The following LCOR variants were observed in gnomAD, a reference collection of about 807,000 sequenced individuals.
The protein encoded by LCOR is ligand-dependent corepressor.
LCOR carries 14 observed loss-of-function variants against 64.4 expected under a neutral mutation model. The ratio of observed to expected loss-of-function variants is 0.22; its 90% CI spans 0.14 to 0.34. LCOR has a LOEUF of 0.34. Ranked by LOEUF, LCOR falls within the 10% of genes least tolerant of loss-of-function variation. The pLI is 1.00. For missense variants in LCOR, 1,686 were observed against 1,765.3 expected (o/e 0.96, Z 0.80); for synonymous variants, 643 against 642.5 (o/e 1.00, Z -0.01).
intron 2 of LCOR, among the ~76,000 whole-genome samples, chr10:96,891,530 CTTTTTTTTTTTTTTTTT>C (rs71007307): frequency 1.0e-3 from 8 of 7,642 alleles, no homozygotes; most frequent in East Asian, 6.7e-3. Flanking sequence ...TGTCTTGACT[CTTTTTTTTTTTTTTTTT>C]TTTTTTTTTT....
chr10:96,848,423 C>T (rs752330853), intron 2 of LCOR, among the ~76,000 whole-genome samples: 4 of 152,236 alleles, frequency 2.6e-5, no homozygotes, highest in East Asian at 1.9e-4. Flanking sequence ...TTTGGGAGGC[C>T]GAGGCAGGTG....
chr10:96,906,411 G>C (rs186061554), intron 2 of LCOR, among the ~76,000 whole-genome samples: 1 of 152,216 alleles, frequency 6.6e-6, no homozygotes, highest in Non-Finnish European at 1.5e-5. Flanking sequence ...GCTTTAATCT[G>C]TTATTTCTGG....
At chr10:96,917,356 G>A (rs547508248) in intron 4 of LCOR, among the ~76,000 whole-genome samples, 1 of 152,322 alleles carries the variant, frequency 6.6e-6, no homozygotes, top group South Asian at 2.1e-4. Context: ...AGTGGCAAAA[G>A]CAATTAGACT....
rs554051673 is a variant in LCOR, at chr10:96,909,076, A to G, written c.-184+1329A>G. Among the ~76,000 whole-genome samples, 9 of 152,172 alleles carry G rather than the reference A, an allele frequency of 5.9e-5. No individual in the cohort carries two copies. In the South Asian group the frequency reaches 1.9e-3, roughly 32 times the overall value. ...ACCAGATTTTATCAGTTTTTCCCTC[A>G]CAACGAATTTCATTTTTTTTCATTT... On this transcript the variant is annotated intron_variant, in intron 4 of 7. Coordinates refer to ENST00000421806, the MANE Select transcript of LCOR (RefSeq NM_001346516.2).
chr10:96,845,993 G>A (rs1448616349), intron 2 of LCOR, among the ~76,000 whole-genome samples: 1 of 151,976 alleles, frequency 6.6e-6, no homozygotes, highest in Non-Finnish European at 1.5e-5. Flanking sequence ...GATTATTTGA[G>A]GTCAGGAGTT....
chr10:96,956,740 T>A, intron 7 of LCOR: 1 of 985,530 alleles, frequency 1.0e-6, no homozygotes, highest in Non-Finnish European at 1.2e-6. Context: ...ACGAGCTCCG[T>A]ATTTACTCAG....
At chr10:96,930,483 AG>A (rs1847238692) in intron 4 of LCOR, among the ~76,000 whole-genome samples, 1 of 152,242 alleles carries the variant, frequency 6.6e-6, no homozygotes, top group African/African-American at 2.4e-5. Context: ...TTGCCACGTC[AG>A]TAGTGGTATT....
chr10:96,901,121 G>A (rs372273480), intron 2 of LCOR, among the ~76,000 whole-genome samples: 5 of 151,856 alleles, frequency 3.3e-5, no homozygotes, highest in Admixed American at 6.6e-5. Flanking sequence ...CCCGGGAGGC[G>A]GAGCTTGCAG....
chr10:96,981,604 G>A lies in LCOR; in HGVS notation c.1144G>A (p.Glu382Lys). ...CPKTPLRQDL[E>K]ANEQDARPKQ... ...AAAAACACCTTTGCGCCAGGATTTAGAGGCAAATGAACAAGATGCAAGGCC... is the reference window on the plus strand; with the variant it reads ...AAAAACACCTTTGCGCCAGGATTTAAAGGCAAATGAACAAGATGCAAGGCC... The change falls in exon 8 of 8, where the codon GAG (glutamate) becomes AAG (lysine). Residue 382 changes from glutamate to lysine, a missense_variant. Coordinates refer to ENST00000421806, the MANE Select transcript of LCOR (RefSeq NM_001346516.2). 1 of 1,614,230 alleles carries A rather than the reference G, an allele frequency of 6.2e-7. No homozygotes were observed. Among genetic ancestry groups the A allele is most frequent in the Non-Finnish European group, 8.5e-7 (1 of 1,180,052 alleles).
chr10:96,947,504 C>G (rs115083534), intron 5 of LCOR, among the ~76,000 whole-genome samples: 1 of 152,022 alleles, frequency 6.6e-6, no homozygotes, highest in African/African-American at 2.4e-5. Flanking sequence ...TCTTAAGTTC[C>G]TTACAGCCCC....
At chr10:96,853,199 G>A (rs886573812) in intron 2 of LCOR, among the ~76,000 whole-genome samples, 1 of 152,000 alleles carries the variant, frequency 6.6e-6, no homozygotes, top group African/African-American at 2.4e-5. Context: ...TTATGGGCAC[G>A]TGCCACCATG....
chr10:96,954,081 GT>G (rs140140479), intron 7 of LCOR, among the ~76,000 whole-genome samples: 2,604 of 152,172 alleles, frequency 0.017, 65 homozygotes, highest in African/African-American at 0.06. Context: ...AAGAAGGGAA[GT>G]TTTTTTTAAG....
chr10:96,847,277 T>G (rs1303675867), intron 2 of LCOR, among the ~76,000 whole-genome samples: 2 of 151,236 alleles, frequency 1.3e-5, no homozygotes, highest in Non-Finnish European at 2.9e-5. Flanking sequence ...ATTTTCCACA[T>G]TAGCTGAGAA....
At chr10:96,833,609 G>C (rs114745988) in intron 2 of LCOR, 130 bp downstream of exon 2, 7 of 251,736 alleles carry the variant, frequency 2.8e-5, no homozygotes, top group South Asian at 3.0e-4. Context: ...GGTGTGTGGG[G>C]AGATGCCCTC....
intron 4 of LCOR, among the ~76,000 whole-genome samples, chr10:96,936,310 T>C (rs1210607662): frequency 6.6e-6 from 1 of 152,144 alleles, no homozygotes; most frequent in African/African-American, 2.4e-5. Flanking sequence ...ATCAATACCC[T>C]AATCATCCAC....
intron 2 of LCOR, among the ~76,000 whole-genome samples, chr10:96,900,348 G>A (rs1055312839): frequency 6.6e-6 from 1 of 151,472 alleles, no homozygotes; most frequent in African/African-American, 2.4e-5. Flanking sequence ...TCCTATACTT[G>A]ATTCTTTTTT....
At position 96,989,695 on chromosome 10, in the gene LCOR, A is replaced by ATATATATATATATATTTTTTT. The variant is rs1371771053; in HGVS notation, c.*4562_*4563insATATATATATATATTTTTTTT. ...TAAGGATATATATATATATATATAT[A>ATATATATATATATATTTTTTT]TTTTTTTTTTTTTTTTTTTTTTTTA... On this transcript the variant is annotated 3_prime_UTR_variant, in exon 8 of 8. Coordinates refer to ENST00000421806, the MANE Select transcript of LCOR (RefSeq NM_001346516.2). The ATATATATATATATATTTTTTT allele has an allele frequency of 2.3e-5, 2 of 86,160 alleles. No homozygotes were observed. Among genetic ancestry groups the ATATATATATATATATTTTTTT allele is most frequent in the African/African-American group, 6.2e-5 (1 of 16,170 alleles). 5.3% of individuals were successfully genotyped at this position (86,160 alleles called of 1,614,324 possible).
chr10:96,955,004 T>C, intron 7 of LCOR: 1 of 1,614,040 alleles, frequency 6.2e-7, no homozygotes, highest in Non-Finnish European at 8.5e-7. Context: ...GGAGTGGTGA[T>C]GGGGTACCTC....
intron 2 of LCOR, among the ~76,000 whole-genome samples, chr10:96,844,776 T>G (rs1301514459): frequency 6.6e-6 from 1 of 152,204 alleles, no homozygotes; most frequent in African/African-American, 2.4e-5. Context: ...GTGATACTGA[T>G]TCTACGCCTA....
Sources: gnomAD v4.1 joint callset for allele counts (sites outside exome capture counted in the v4.1 genomes callset) on GRCh38, gnomAD v4.1.1 for gene constraint, MANE v1.5 for transcripts, NCBI Gene and HGNC (gene_info 2026-07-23, HGNC 2026-07-21) for gene names.